Variants in STXBP5L observed in about 807,000 individuals in gnomAD.
STXBP5L encodes syntaxin binding protein 5L.
In STXBP5L, 65 loss-of-function variants were observed where a neutral mutation model predicts 144.5. That is an observed-to-expected ratio of 0.45 (90% CI 0.37 to 0.55). The LOEUF is 0.55. Ranked by LOEUF, STXBP5L falls within the 20% of genes least tolerant of loss-of-function variation. The probability of loss-of-function intolerance (pLI) is 0.00; values close to 1 mark genes in which losing one functional copy is unlikely to be tolerated. For missense variants in STXBP5L, 1,298 were observed against 1,405.5 expected, an observed-to-expected ratio of 0.92 and a Z score of 1.22; for synonymous variants, 505 against 469.6, an observed-to-expected ratio of 1.08 and a Z score of -0.97.
intron 7 of STXBP5L, among the ~76,000 whole-genome samples, chr3:121,123,860 G>GT (rs1158621323): frequency 1.3e-5 from 2 of 151,590 alleles, no homozygotes; most frequent in South Asian, 2.1e-4. Context: ...TGTCACAGAA[G>GT]TTTTTTTATT....
At chr3:121,390,400 A>G (rs1425660663) in intron 22 of STXBP5L, among the ~76,000 whole-genome samples, 1 of 152,086 alleles carries the variant, frequency 6.6e-6, no homozygotes, top group African/African-American at 2.4e-5. Context: ...TAAGGTTAAT[A>G]TTGTTATGTG....
Position 121,328,734 on chromosome 3 carries a change from A to G in STXBP5L, c.2176+10194A>G, listed in dbSNP as rs372371703. On this transcript the variant is annotated intron_variant, in intron 20 of 26. Transcript: ENST00000471454. The stretch of plus-strand genomic sequence containing the variant: ...CACTGCACTCCAGCATGGGTGCTAG[A>G]GCAAGACTCTGTCTCAAAAAAAAAA... Among the ~76,000 whole-genome samples the G allele has an allele frequency of 3.3e-5, 5 of 152,036 alleles. No individual in the cohort carries two copies. The East Asian group carries it at 9.6e-4, about 29-fold the overall frequency.
At chr3:121,072,282 G>T (rs2041841361) in intron 5 of STXBP5L, among the ~76,000 whole-genome samples, 2 of 152,178 alleles carry the variant, frequency 1.3e-5, no homozygotes, top group Admixed American at 1.3e-4. Flanking sequence ...GCTCCATAAA[G>T]TCCACAAGCA....
intron 3 of STXBP5L, among the ~76,000 whole-genome samples, chr3:120,989,765 C>A (rs185513572): frequency 1.3e-5 from 2 of 152,080 alleles, no homozygotes; most frequent in African/African-American, 4.8e-5. Flanking sequence ...ATCCTTTTAT[C>A]ATTACATAAT....
At chr3:121,412,255 C>T (rs538263732) in intron 23 of STXBP5L, among the ~76,000 whole-genome samples, 2 of 152,248 alleles carry the variant, frequency 1.3e-5, no homozygotes, top group South Asian at 2.1e-4. Flanking sequence ...TGAGAATGGG[C>T]ACCCAGTGGT....
intron 3 of STXBP5L, among the ~76,000 whole-genome samples, chr3:120,983,554 C>T (rs1259797275): frequency 6.6e-6 from 1 of 152,126 alleles, no homozygotes; most frequent in Admixed American, 6.5e-5. Context: ...GCTCAGGGCT[C>T]AAAAGCCTGT....
At chr3:121,026,059 A>G (rs146172052) in intron 3 of STXBP5L, among the ~76,000 whole-genome samples, 2,873 of 147,630 alleles carry the variant, frequency 0.019, 99 homozygotes, top group African/African-American at 0.067. Context: ...ATTAAATTAT[A>G]TTATAATTAA....
chr3:121,200,920 G>A (rs143583582), intron 9 of STXBP5L, among the ~76,000 whole-genome samples: 109 of 152,264 alleles, frequency 7.2e-4, no homozygotes, highest in Non-Finnish European at 1.1e-3. Flanking sequence ...GTCAATTTTA[G>A]AATAAGTGTT....
intron 3 of STXBP5L, among the ~76,000 whole-genome samples, chr3:121,030,092 A>T (rs1344635302): frequency 6.6e-6 from 1 of 152,210 alleles, no homozygotes; most frequent in Non-Finnish European, 1.5e-5. Flanking sequence ...TGTGTAAATT[A>T]GTTCAACCAT....
chr3:120,918,843 T>C (rs1709227161), intron 2 of STXBP5L, among the ~76,000 whole-genome samples: 2 of 152,140 alleles, frequency 1.3e-5, no homozygotes, highest in South Asian at 4.1e-4. Flanking sequence ...TCTTGTGCTT[T>C]TGTGTATATT....
intron 14 of STXBP5L, among the ~76,000 whole-genome samples, chr3:121,242,242 C>G (rs2108340211): frequency 6.6e-6 from 1 of 152,178 alleles, no homozygotes; most frequent in African/African-American, 2.4e-5. Flanking sequence ...ATACAATAGG[C>G]TTTCCATCTC....
At chr3:121,071,537 G>C (rs2041812209) in intron 5 of STXBP5L, among the ~76,000 whole-genome samples, 1 of 152,200 alleles carries the variant, frequency 6.6e-6, no homozygotes, top group Admixed American at 6.5e-5. Flanking sequence ...CTGGATGGCA[G>C]CTGCTGCTGG....
intron 20 of STXBP5L, among the ~76,000 whole-genome samples, chr3:121,366,433 G>A (rs942886906): frequency 1.3e-5 from 2 of 151,656 alleles, no homozygotes; most frequent in South Asian, 4.2e-4. Context: ...TCTCATTAGA[G>A]GCTTAAATAT....
At chr3:121,010,354 A>C (rs951813471) in intron 3 of STXBP5L, among the ~76,000 whole-genome samples, 5 of 151,772 alleles carry the variant, frequency 3.3e-5, no homozygotes, top group Non-Finnish European at 7.4e-5. Context: ...GGATCTGAGA[A>C]CTGGCTCATT....
Position 120,975,079 on chromosome 3 carries a change from G to C in STXBP5L, c.287+20042G>C, listed in dbSNP as rs555036545. 4.6e-5 allele frequency among the ~76,000 whole-genome samples: 7 copies of C among 152,290 alleles called. No individual in the cohort carries two copies. The South Asian group carries it at 1.4e-3, about 32-fold the overall frequency. On this transcript the variant is annotated intron_variant, in intron 3 of 26. Coordinates refer to ENST00000471454, the MANE Select transcript of STXBP5L (RefSeq NM_001308330.2). ...AAGTAGTTTTTTCCAATTCTGTGAA[G>C]AAAGTCATTGGTAGTTTGATGGGGA...
chr3:121,396,372 G>A (rs572805102), intron 22 of STXBP5L, among the ~76,000 whole-genome samples: 1 of 152,326 alleles, frequency 6.6e-6, no homozygotes, highest in African/African-American at 2.4e-5. Context: ...AGCTTGGCTA[G>A]TATAGCCTGG....
intron 9 of STXBP5L, among the ~76,000 whole-genome samples, chr3:121,179,312 G>C (rs1053619876): frequency 2.6e-5 from 4 of 151,540 alleles, no homozygotes; most frequent in African/African-American, 9.7e-5. Flanking sequence ...TTATAACTAA[G>C]GAACTGATAC....
chr3:121,083,081 C>T (rs555825270), intron 5 of STXBP5L, among the ~76,000 whole-genome samples: 1 of 152,044 alleles, frequency 6.6e-6, no homozygotes, highest in African/African-American at 2.4e-5. Flanking sequence ...GCTCTGTAGT[C>T]CCAGCTACTC....
chr3:121,343,636 C>A (rs2044825205), intron 20 of STXBP5L, among the ~76,000 whole-genome samples: 1 of 152,058 alleles, frequency 6.6e-6, no homozygotes, highest in Non-Finnish European at 1.5e-5. Context: ...CATGAGTGAA[C>A]ACCCATTCAC....
Sources: gnomAD v4.1 joint callset for allele counts (sites outside exome capture counted in the v4.1 genomes callset) on GRCh38, gnomAD v4.1.1 for gene constraint, MANE v1.5 for transcripts, NCBI Gene and HGNC (gene_info 2026-07-23, HGNC 2026-07-21) for gene names.